The following C3orf20 variants were observed in gnomAD, a reference collection of about 807,000 sequenced individuals.
C3orf20 encodes uncharacterized protein C3orf20.
In C3orf20, 76 loss-of-function variants were observed where a neutral mutation model predicts 88.3. The observed-to-expected ratio is 0.86, with a 90% confidence interval of 0.72 to 1.04. The LOEUF is 1.04. Ranked by LOEUF, C3orf20 falls within the 50% of genes least tolerant of loss-of-function variation. C3orf20 has a pLI of 0.00. For synonymous variants in C3orf20, 436 were observed against 437.4 expected (o/e 1.00, Z 0.04); for missense variants, 1,056 against 1,123.3 (o/e 0.94, Z 0.86).
intron 12 of C3orf20, among the ~76,000 whole-genome samples, chr3:14,737,065 T>C (rs1162343405): frequency 1.3e-5 from 2 of 152,192 alleles, no homozygotes; most frequent in Non-Finnish European, 2.9e-5. Flanking sequence ...CTTTAGTTAG[T>C]GTTGTTTCTT....
At chr3:14,683,293 C>A in intron 3 of C3orf20, 96 bp downstream of exon 3, 1 of 1,452,248 alleles carries the variant, frequency 6.9e-7, no homozygotes, top group Non-Finnish European at 9.1e-7. Context: ...TGTGGGTCTG[C>A]TGTAGGAATT....
intron 1 of C3orf20, among the ~76,000 whole-genome samples, chr3:14,679,078 C>T (rs1395277443): frequency 6.6e-6 from 1 of 152,204 alleles, no homozygotes; most frequent in Admixed American, 6.5e-5. Flanking sequence ...GTTTCTTCTT[C>T]CTAGAATGCC....
At chr3:14,703,339 A>T in intron 6 of C3orf20, 77 bp downstream of exon 6, 2 of 1,595,358 alleles carry the variant, frequency 1.3e-6, no homozygotes, top group Non-Finnish European at 1.7e-6. Context: ...GTCCCTGTGT[A>T]TATGTGAGTG....
chr3:14,704,304 G>C, intron 6 of C3orf20, 33 bp from the exon 7 acceptor site: 2 of 1,609,526 alleles, frequency 1.2e-6, no homozygotes, highest in East Asian at 4.5e-5. Flanking sequence ...AGAACCAAAA[G>C]GCTAGACAAT....
intron 11 of C3orf20, among the ~76,000 whole-genome samples, chr3:14,727,408 C>A (rs960459038): frequency 6.6e-6 from 1 of 152,100 alleles, no homozygotes; most frequent in Non-Finnish European, 1.5e-5. Flanking sequence ...CATCTGGAGC[C>A]CCTGCTCCTC....
intron 9 of C3orf20, among the ~76,000 whole-genome samples, chr3:14,720,745 A>G (rs1559419476): frequency 6.6e-6 from 1 of 152,246 alleles, no homozygotes; most frequent in Non-Finnish European, 1.5e-5. Flanking sequence ...CAAATTGTTC[A>G]ACAGCCTTAA....
chr3:14,707,445 TTGTG>T (rs36047273), intron 7 of C3orf20, among the ~76,000 whole-genome samples: 20,365 of 136,232 alleles, frequency 0.15, 1,768 homozygotes, highest in East Asian at 0.23. Context: ...GCATCTTTTC[TTGTG>T]TGTGTGTGTG....
chr3:14,713,970 G>C (rs886586375), intron 7 of C3orf20, 37 bp from the exon 8 acceptor site: 4 of 1,612,034 alleles, frequency 2.5e-6, no homozygotes, highest in Non-Finnish European at 3.4e-6. Flanking sequence ...AGAACCAGGG[G>C]AGTTTTCTGT....
intron 1 of C3orf20, among the ~76,000 whole-genome samples, chr3:14,681,359 G>A (rs1220513778): frequency 1.3e-5 from 2 of 152,230 alleles, no homozygotes; most frequent in Admixed American, 6.5e-5. Context: ...AAAAGAAGAC[G>A]TAGGTGTGTT....
intron 12 of C3orf20, among the ~76,000 whole-genome samples, chr3:14,730,704 C>CA (rs1262578006): frequency 6.6e-6 from 1 of 152,118 alleles, no homozygotes; most frequent in Non-Finnish European, 1.5e-5. Context: ...TGTGTATGTT[C>CA]AGCTTCTAGT....
Position 14,682,852 on chromosome 3 carries a change from T to C in C3orf20, c.139T>C (p.Phe47Leu). ...ISVPKGIRNI[F>L]EFTWEELISD... The stretch of plus-strand genomic sequence containing the variant: ...TGTACCAAAAGGCATCAGAAACATC[T>C]TTGAGTTCACTTGGGAAGAGCTCAT... Residue 47 changes from phenylalanine (F) to leucine (L), a missense_variant, in exon 3 of 17, where the codon TTT (phenylalanine) becomes CTT (leucine). Coordinates refer to ENST00000253697, the MANE Select transcript of C3orf20 (RefSeq NM_032137.5). The C allele has an allele frequency of 6.2e-7, 1 of 1,614,210 alleles. No individual in the cohort carries two copies. Among genetic ancestry groups the C allele is most frequent in the East Asian group, 2.2e-5 (1 of 44,876 alleles).
In C3orf20 at chr3:14,682,616, A is replaced by G. The variant is rs2032153142; in HGVS notation, c.-98A>G. The G allele has an allele frequency of 2.7e-6, 4 of 1,462,994 alleles. No homozygotes were observed. The East Asian group carries it at 9.1e-5, about 33-fold the overall frequency. 90.6% of individuals were successfully genotyped at this position (1,462,994 alleles called of 1,614,324 possible). On this transcript the variant is annotated 5_prime_UTR_variant, in exon 3 of 17. Transcript: ENST00000253697. ...AATGACCTGTAAGGGCCGTTTCAGCACATCCATTCTGTCCATCTCCAAGCC... is the reference window on the plus strand; with the variant it reads ...AATGACCTGTAAGGGCCGTTTCAGCGCATCCATTCTGTCCATCTCCAAGCC...
intron 12 of C3orf20, among the ~76,000 whole-genome samples, chr3:14,756,879 C>G (rs2035390439): frequency 6.6e-6 from 1 of 152,188 alleles, no homozygotes; most frequent in African/African-American, 2.4e-5. Context: ...ATGACGTGAG[C>G]TAGGTTTTAA....
intron 5 of C3orf20, among the ~76,000 whole-genome samples, chr3:14,700,079 C>G (rs540744998): frequency 8.5e-5 from 13 of 152,344 alleles, no homozygotes; most frequent in African/African-American, 3.1e-4. Context: ...TACTCTCCCT[C>G]TCCCAAATGC....
chr3:14,752,891 G>T (rs958847563), intron 12 of C3orf20, among the ~76,000 whole-genome samples: 1 of 152,208 alleles, frequency 6.6e-6, no homozygotes, highest in Non-Finnish European at 1.5e-5. Context: ...CTATTGGTGG[G>T]AGTGTAAATT....
At chr3:14,687,070 C>T (rs1192327203) in intron 4 of C3orf20, among the ~76,000 whole-genome samples, 2 of 152,146 alleles carry the variant, frequency 1.3e-5, no homozygotes, top group Admixed American at 1.3e-4. Context: ...TAGCCGCCTG[C>T]CGCAGAAGGG....
chr3:14,750,979 T>C (rs1392181875), intron 12 of C3orf20, among the ~76,000 whole-genome samples: 2 of 152,216 alleles, frequency 1.3e-5, no homozygotes, highest in Non-Finnish European at 2.9e-5. Flanking sequence ...GCTCTGTTAA[T>C]TGTTCTTCAT....
intron 4 of C3orf20, among the ~76,000 whole-genome samples, chr3:14,686,095 T>G (rs564697620): frequency 4.3e-4 from 65 of 152,228 alleles, no homozygotes; most frequent in African/African-American, 1.4e-3. Flanking sequence ...CTCTTGACCT[T>G]GTGATCCGTC....
chr3:14,708,768 C>G (rs1392093232), intron 7 of C3orf20, among the ~76,000 whole-genome samples: 2 of 152,074 alleles, frequency 1.3e-5, no homozygotes, highest in East Asian at 3.9e-4. Context: ...CTCAGCCTCC[C>G]AGATAGCTGG....
Sources: allele counts gnomAD v4.1 joint callset (sites outside exome capture counted in the v4.1 genomes callset), GRCh38; gene constraint gnomAD v4.1.1; transcripts MANE v1.5; gene names NCBI Gene and HGNC (gene_info 2026-07-23, HGNC 2026-07-21).